Variants in CDH2 observed in about 807,000 individuals in gnomAD.
The protein encoded by CDH2 is cadherin-2.
CDH2 carries 17 observed loss-of-function variants against 92.0 expected under a neutral mutation model. The ratio of observed to expected loss-of-function variants is 0.18; its 90% CI spans 0.13 to 0.28. CDH2 has a LOEUF of 0.28. Ranked by LOEUF, CDH2 falls within the 10% of genes least tolerant of loss-of-function variation. The pLI is 1.00. For missense variants in CDH2, 862 were observed against 1,133.1 expected (o/e 0.76, Z 3.44); for synonymous variants, 419 against 415.9 (o/e 1.01, Z -0.09).
At chr18:28,086,598 T>C (rs761023317) in intron 2 of CDH2, among the ~76,000 whole-genome samples, 2 of 152,104 alleles carry the variant, frequency 1.3e-5, no homozygotes, top group Non-Finnish European at 2.9e-5. Flanking sequence ...ACACTGACCA[T>C]GGTTCTAAAT....
intron 2 of CDH2, among the ~76,000 whole-genome samples, chr18:28,116,445 C>G (rs1239505653): frequency 6.6e-6 from 1 of 152,062 alleles, no homozygotes; most frequent in Admixed American, 6.6e-5. Flanking sequence ...TTTTGAGTGT[C>G]CTTTTATAAA....
intron 1 of CDH2, among the ~76,000 whole-genome samples, chr18:28,158,062 T>C (rs971292877): frequency 1.3e-5 from 2 of 152,172 alleles, no homozygotes; most frequent in African/African-American, 4.8e-5. Flanking sequence ...GGAGCATGGT[T>C]TCACTTTTTA....
At chr18:27,961,305 A>G (rs1004294691) in intron 15 of CDH2, among the ~76,000 whole-genome samples, 9 of 151,482 alleles carry the variant, frequency 5.9e-5, no homozygotes, top group African/African-American at 2.2e-4. Flanking sequence ...TGAACAAGAA[A>G]TAGCGCTTGT....
intron 2 of CDH2, among the ~76,000 whole-genome samples, chr18:28,139,408 CTTCT>C (rs2015917086): frequency 6.6e-6 from 1 of 151,966 alleles, no homozygotes; most frequent in Non-Finnish European, 1.5e-5. Context: ...CACCCAATTT[CTTCT>C]TTTTCTTTTA....
chr18:28,078,677 ATTTTT>A (rs5823582), intron 2 of CDH2, among the ~76,000 whole-genome samples: 1 of 144,448 alleles, frequency 6.9e-6, no homozygotes, highest in Non-Finnish European at 1.5e-5. Context: ...TTGTACATTG[ATTTTT>A]TTTTTTTTTG....
At chr18:28,149,209 T>C (rs1300031783) in intron 1 of CDH2, among the ~76,000 whole-genome samples, 2 of 152,116 alleles carry the variant, frequency 1.3e-5, no homozygotes, top group Non-Finnish European at 2.9e-5. Context: ...GCCACATGAG[T>C]GCTCCAGTTG....
At chr18:27,977,388 CCT>C (rs2143930680) in intron 14 of CDH2, among the ~76,000 whole-genome samples, 1 of 152,184 alleles carries the variant, frequency 6.6e-6, no homozygotes, top group Admixed American at 6.5e-5. Context: ...CATTTTACCC[CCT>C]TAGGCACCTC....
At chr18:28,142,112 C>T (rs1460486422) in intron 2 of CDH2, among the ~76,000 whole-genome samples, 3 of 151,920 alleles carry the variant, frequency 2.0e-5, no homozygotes, top group Admixed American at 6.6e-5. Flanking sequence ...TCCTACTAGA[C>T]GTTTACTAGA....
chr18:28,004,922 A>G (rs1262260641), intron 6 of CDH2, among the ~76,000 whole-genome samples: 3 of 152,144 alleles, frequency 2.0e-5, no homozygotes, highest in Admixed American at 6.5e-5. Flanking sequence ...ATAGTTGGTT[A>G]TATCTATAAA....
At chr18:27,998,089 A>G (rs1457458332) in intron 7 of CDH2, among the ~76,000 whole-genome samples, 1 of 152,152 alleles carries the variant, frequency 6.6e-6, no homozygotes, top group Non-Finnish European at 1.5e-5. Flanking sequence ...TACAGGTGTG[A>G]GCCACCACTC....
intron 15 of CDH2, among the ~76,000 whole-genome samples, chr18:27,960,628 T>C (rs773525441): frequency 1.3e-5 from 2 of 152,242 alleles, no homozygotes; most frequent in Admixed American, 1.3e-4. Context: ...AATCGATGTC[T>C]AATTTATGCT....
chr18:28,020,214 G>A (rs1477159893), intron 2 of CDH2, among the ~76,000 whole-genome samples: 6 of 151,968 alleles, frequency 3.9e-5, no homozygotes, highest in African/African-American at 1.4e-4. Flanking sequence ...TACTCAAGTT[G>A]TTTATTTTAC....
chr18:27,971,052 A>G (rs1471099900), intron 14 of CDH2, among the ~76,000 whole-genome samples: 1 of 152,218 alleles, frequency 6.6e-6, no homozygotes, highest in Non-Finnish European at 1.5e-5. Context: ...CCTGACCAAC[A>G]TGGTGAAACC....
intron 2 of CDH2, among the ~76,000 whole-genome samples, chr18:28,122,693 A>C (rs905548118): frequency 3.9e-5 from 6 of 152,124 alleles, no homozygotes; most frequent in African/African-American, 1.4e-4. Flanking sequence ...AAACTCTTTA[A>C]ATCACGACCT....
intron 2 of CDH2, among the ~76,000 whole-genome samples, chr18:28,067,848 T>C (rs1211557392): frequency 6.6e-6 from 1 of 152,196 alleles, no homozygotes; most frequent in Non-Finnish European, 1.5e-5. Flanking sequence ...AGGTATATCA[T>C]CTTATGTGGG....
At chr18:28,125,942 T>G (rs2144281779) in intron 2 of CDH2, among the ~76,000 whole-genome samples, 1 of 152,246 alleles carries the variant, frequency 6.6e-6, no homozygotes, top group Non-Finnish European at 1.5e-5. Context: ...GTATAAAAAT[T>G]TAGAAATATG....
Position 27,960,189 on chromosome 18 carries a change from TG to T in CDH2, c.2514+3167del. Reference sequence around the variant, plus strand: ...AGCCTGTCTCCCCTCCCCTGGAACATGGATCAGGGGGAGGCAGGATGGAACC... The same window carrying T: ...AGCCTGTCTCCCCTCCCCTGGAACATGATCAGGGGGAGGCAGGATGGAACC... On this transcript the variant is annotated intron_variant, in intron 15 of 15. Transcript: ENST00000269141. Among the ~76,000 whole-genome samples, 7 of 152,174 alleles carry T rather than the reference TG, an allele frequency of 4.6e-5. No individual in the cohort carries two copies. The South Asian group carries it at 1.5e-3, about 32-fold the overall frequency.
chr18:28,084,995 T>A (rs1414784831), intron 2 of CDH2, among the ~76,000 whole-genome samples: 1 of 152,120 alleles, frequency 6.6e-6, no homozygotes, highest in Non-Finnish European at 1.5e-5. Flanking sequence ...TGGTCAAAGC[T>A]GAATTCCCCA....
At chr18:28,166,170 A>ATATG (rs1555648264) in intron 1 of CDH2, among the ~76,000 whole-genome samples, 48 of 136,072 alleles carry the variant, frequency 3.5e-4, no homozygotes, top group African/African-American at 1.3e-3. Flanking sequence ...ATATATATAT[A>ATATG]TATGTCTGTA....
Sources: gnomAD v4.1 joint callset for allele counts (sites outside exome capture counted in the v4.1 genomes callset) on GRCh38, gnomAD v4.1.1 for gene constraint, MANE v1.5 for transcripts, NCBI Gene and HGNC (gene_info 2026-07-23, HGNC 2026-07-21) for gene names.